KCTD8: variants seen among roughly 807,000 people sequenced by gnomAD.
KCTD8 encodes the protein BTB/POZ domain-containing protein KCTD8.
Under a neutral mutation model 31.5 loss-of-function variants are expected in KCTD8, and 27 were observed. That is an observed-to-expected ratio of 0.86 (90% CI 0.63 to 1.18). The LOEUF (loss-of-function observed/expected upper bound fraction) is 1.18, where lower values mean the gene tolerates loss of function less well. KCTD8 is among the 50% of genes most tolerant of loss of function. The pLI, the probability that KCTD8 is intolerant of heterozygous loss-of-function variation, is 0.00. For missense variants in KCTD8, 658 were observed against 647.7 expected, an observed-to-expected ratio of 1.02 and a Z score of -0.17; for synonymous variants, 290 against 280.0, an observed-to-expected ratio of 1.04 and a Z score of -0.36.
At chr4:44,372,417 G>C (rs577538221) in intron 1 of KCTD8, among the ~76,000 whole-genome samples, 2 of 152,312 alleles carry the variant, frequency 1.3e-5, no homozygotes, top group African/African-American at 4.8e-5. Context: ...TATAGGCACA[G>C]CATGGAGAAA....
chr4:44,278,947 A>C (rs1044955657), intron 1 of KCTD8, among the ~76,000 whole-genome samples: 4 of 152,086 alleles, frequency 2.6e-5, no homozygotes, highest in East Asian at 3.9e-4. Flanking sequence ...TTGCACTCTT[A>C]AATTGGGGAA....
At chr4:44,291,514 A>C (rs1717272264) in intron 1 of KCTD8, among the ~76,000 whole-genome samples, 1 of 152,040 alleles carries the variant, frequency 6.6e-6, no homozygotes, top group African/African-American at 2.4e-5. Flanking sequence ...TTAAATTATA[A>C]AAATTGTAGA....
chr4:44,319,850 C>T (rs907434989), intron 1 of KCTD8, among the ~76,000 whole-genome samples: 2 of 151,998 alleles, frequency 1.3e-5, no homozygotes, highest in African/African-American at 4.8e-5. Context: ...CTCAATAAGA[C>T]TTCCAATGAG....
chr4:44,232,636 T>G (rs1405481715), intron 1 of KCTD8, among the ~76,000 whole-genome samples: 1 of 152,168 alleles, frequency 6.6e-6, no homozygotes, highest in Non-Finnish European at 1.5e-5. Context: ...TGCATTAGTT[T>G]TATCTTCTGA....
chr4:44,191,436 C>T (rs112926588), intron 1 of KCTD8, among the ~76,000 whole-genome samples: 2,220 of 151,984 alleles, frequency 0.015, 54 homozygotes, highest in African/African-American at 0.051. Context: ...CCTATGGGGT[C>T]GGGCAAAAAG....
chr4:44,256,052 C>T (rs1482391972), intron 1 of KCTD8, among the ~76,000 whole-genome samples: 2 of 151,812 alleles, frequency 1.3e-5, no homozygotes, highest in African/African-American at 4.8e-5. Context: ...AGCAAAGGCG[C>T]TTGTTACATG....
intron 1 of KCTD8, among the ~76,000 whole-genome samples, chr4:44,330,853 C>A (rs746780561): frequency 4.6e-5 from 7 of 151,854 alleles, no homozygotes; most frequent in East Asian, 1.9e-4. Context: ...CAGGATGATT[C>A]AATGCTTCAA....
intron 1 of KCTD8, among the ~76,000 whole-genome samples, chr4:44,181,019 C>T (rs1007494063): frequency 5.9e-5 from 9 of 152,098 alleles, no homozygotes; most frequent in Admixed American, 5.9e-4. Context: ...TCCTAGAAAA[C>T]ATTATTAATT....
At chr4:44,395,323 C>G (rs1307844895) in intron 1 of KCTD8, among the ~76,000 whole-genome samples, 2 of 152,092 alleles carry the variant, frequency 1.3e-5, no homozygotes. Flanking sequence ...CAAAAGGAAA[C>G]TGTTGACATA....
At chr4:44,338,894 C>A (rs145424560) in intron 1 of KCTD8, among the ~76,000 whole-genome samples, 1,976 of 151,976 alleles carry the variant, frequency 0.013, 49 homozygotes, top group African/African-American at 0.045. Flanking sequence ...TTCATAAGTC[C>A]CTTATAGACA....
rs542153695 is a variant in KCTD8 at position 44,340,954 on chromosome 4, A to G, written c.961+106609T>C. On this transcript the variant is annotated intron_variant, in intron 1 of 1. Coordinates refer to ENST00000360029, the MANE Select transcript of KCTD8 (RefSeq NM_198353.3). ...TGTATTATATATATAACATATATAA[A>G]ATGTTTATAAATTTTACTGACTGTA... Among the ~76,000 whole-genome samples, 24 of 151,872 alleles carry G rather than the reference A, an allele frequency of 1.6e-4. No individual in the cohort carries two copies. In the South Asian group the frequency reaches 4.8e-3, roughly 30 times the overall value.
intron 1 of KCTD8, among the ~76,000 whole-genome samples, chr4:44,185,330 T>C (rs750987940): frequency 3.9e-5 from 6 of 152,224 alleles, no homozygotes; most frequent in Non-Finnish European, 7.3e-5. Flanking sequence ...TATTTCTCAT[T>C]ATATTTCCTA....
intron 1 of KCTD8, among the ~76,000 whole-genome samples, chr4:44,415,686 T>A (rs1415427472): frequency 1.3e-5 from 2 of 152,190 alleles, no homozygotes; most frequent in Non-Finnish European, 2.9e-5. Context: ...AGCTGCCATA[T>A]CCTTGGCAGT....
intron 1 of KCTD8, among the ~76,000 whole-genome samples, chr4:44,272,260 C>T (rs1370878570): frequency 2.0e-5 from 3 of 151,362 alleles, no homozygotes; most frequent in African/African-American, 4.9e-5. Context: ...AGTAACTATA[C>T]AAAAATTAGC....
intron 1 of KCTD8, among the ~76,000 whole-genome samples, chr4:44,205,310 G>C (rs1714269756): frequency 6.6e-6 from 1 of 152,164 alleles, no homozygotes; most frequent in African/African-American, 2.4e-5. Flanking sequence ...AGTTACATCA[G>C]TGAAGTGTAG....
At chr4:44,444,008 GAATTT>G (rs1172598194) in intron 1 of KCTD8, among the ~76,000 whole-genome samples, 1 of 152,004 alleles carries the variant, frequency 6.6e-6, no homozygotes, top group African/African-American at 2.4e-5. Context: ...GAATAATATA[GAATTT>G]AATAGTACCA....
At chr4:44,248,391 C>T (rs1438990143) in intron 1 of KCTD8, among the ~76,000 whole-genome samples, 2 of 151,142 alleles carry the variant, frequency 1.3e-5, no homozygotes, top group Non-Finnish European at 3.0e-5. Context: ...TGTGCTTCAC[C>T]CATAATTCTA....
At chr4:44,187,869 C>T (rs1241758908) in intron 1 of KCTD8, among the ~76,000 whole-genome samples, 9 of 152,044 alleles carry the variant, frequency 5.9e-5, no homozygotes, top group East Asian at 5.8e-4. Context: ...AAATTATTGT[C>T]GCCTGTTATG....
At chr4:44,245,418 A>G (rs1381084122) in intron 1 of KCTD8, among the ~76,000 whole-genome samples, 4 of 152,098 alleles carry the variant, frequency 2.6e-5, no homozygotes, top group Non-Finnish European at 4.4e-5. Context: ...TCTGACAGCT[A>G]GCAATCTGTC....
Sources: allele counts gnomAD v4.1 joint callset (sites outside exome capture counted in the v4.1 genomes callset), GRCh38; gene constraint gnomAD v4.1.1; transcripts MANE v1.5; gene names NCBI Gene and HGNC (gene_info 2026-07-23, HGNC 2026-07-21).